Variants in ANKRD10 observed in about 807,000 individuals in gnomAD.
The protein encoded by ANKRD10 is ankyrin repeat domain 10.
A neutral mutation model predicts 27.0 loss-of-function variants in ANKRD10; 14 were observed. The observed-to-expected ratio is 0.52, with a 90% CI of 0.34 to 0.81. ANKRD10 has a LOEUF of 0.81. ANKRD10 is among the 40% of genes least tolerant of loss of function. The pLI is 0.01. For synonymous variants in ANKRD10, 250 were observed against 224.5 expected (o/e 1.11, Z -1.01); for missense variants, 493 against 544.0 (o/e 0.91, Z 0.93).
intron 1 of ANKRD10, among the ~76,000 whole-genome samples, chr13:110,914,135 G>GCTGCCGGGGCCTTCCAGTC (rs1421000026): frequency 1.8e-4 from 27 of 152,184 alleles, no homozygotes; most frequent in African/African-American, 6.3e-4. Context: ...ATCCCACACA[G>GCTGCCGGGGCCTTCCAGTC]CTGCCGGGGC....
At chr13:110,886,743 T>C (rs982273891) in intron 4 of ANKRD10, among the ~76,000 whole-genome samples, 1 of 152,206 alleles carries the variant, frequency 6.6e-6, no homozygotes, top group Non-Finnish European at 1.5e-5. Flanking sequence ...GGGTGGCCTG[T>C]ACAGACATTT....
intron 5 of ANKRD10, among the ~76,000 whole-genome samples, chr13:110,882,725 G>T (rs1252804416): frequency 6.6e-6 from 1 of 152,172 alleles, no homozygotes; most frequent in Non-Finnish European, 1.5e-5. Flanking sequence ...GGAAGAAGGT[G>T]ACCACAGCAA....
chr13:110,883,091 T>C (rs1207751083), intron 5 of ANKRD10: 2 of 152,194 alleles, frequency 1.3e-5, no homozygotes, highest in African/African-American at 4.8e-5. Flanking sequence ...AAAATGTGTG[T>C]TGTGAAACAC....
rs757683773 is a variant in ANKRD10, at chr13:110,914,710, A to G, written c.210+15T>C. On this transcript the variant is annotated intron_variant, in intron 1 of 5. Coordinates refer to ENST00000267339, the MANE Select transcript of ANKRD10 (RefSeq NM_017664.4). ...ACAGCCGGGGAAAATGGCGCCTTAA[A>G]GCGTTCGCACCCACCTTGCCGAAAT... 1.3e-6 allele frequency: 2 copies of G among 1,562,448 alleles called. No individual in the cohort carries two copies. Among genetic ancestry groups the G allele is most frequent in the East Asian group, 2.4e-5 (1 of 41,540 alleles).
In ANKRD10 at chr13:110,878,595, A is replaced by C. The variant is rs1487513926; in HGVS notation, c.*1042T>G. Reference sequence around the variant, plus strand: ...AAGGACAGTTTTAGAACAAAATGTTAGTAACACTCTTAGAACACTGGTTTG... The same window carrying C: ...AAGGACAGTTTTAGAACAAAATGTTCGTAACACTCTTAGAACACTGGTTTG... On this transcript the variant is annotated 3_prime_UTR_variant, in exon 6 of 6. Coordinates refer to ENST00000267339, the MANE Select transcript of ANKRD10 (RefSeq NM_017664.4). The C allele has an allele frequency of 1.3e-5, 2 of 152,440 alleles. No homozygotes were observed. The highest frequency in any genetic ancestry group is 4.8e-5 in the African/African-American group (2 of 41,474). 9.4% of individuals were successfully genotyped at this position (152,440 alleles called of 1,614,324 possible).
At chr13:110,889,354 A>T (rs930594960) in intron 4 of ANKRD10, among the ~76,000 whole-genome samples, 3 of 152,202 alleles carry the variant, frequency 2.0e-5, no homozygotes, top group Admixed American at 6.5e-5. Flanking sequence ...TTATCCCAAG[A>T]TACTTTCCAT....
rs943921684 is a variant in ANKRD10, at chr13:110,879,002, C to T, written c.*635G>A. ...GTGGAATAAAAACAATAAATCCAAA[C>T]GCAGCCCCAGGCTGGGCCTGTTTTC... On this transcript the variant is annotated 3_prime_UTR_variant, in exon 6 of 6. Coordinates refer to ENST00000267339, the MANE Select transcript of ANKRD10 (RefSeq NM_017664.4). 3.3e-5 allele frequency: 5 copies of T among 152,704 alleles called. No homozygotes were observed. The highest frequency in any genetic ancestry group is 9.6e-5 in the African/African-American group (4 of 41,578). 9.5% of individuals were successfully genotyped at this position (152,704 alleles called of 1,614,324 possible). A position where few individuals can be genotyped will look rare whatever the true frequency, so the allele number is the denominator to read the frequency against.
At chr13:110,895,729 T>G (rs1429459850) in intron 3 of ANKRD10, among the ~76,000 whole-genome samples, 1 of 152,174 alleles carries the variant, frequency 6.6e-6, no homozygotes, top group Non-Finnish European at 1.5e-5. Context: ...TACACTGAAT[T>G]TGGGTTAGAA....
intron 1 of ANKRD10, among the ~76,000 whole-genome samples, chr13:110,913,775 T>C (rs9588296): frequency 0.035 from 5,254 of 152,228 alleles, 293 homozygotes; most frequent in African/African-American, 0.12. Flanking sequence ...ACTATACACA[T>C]CCCTGAATTT....
rs1357909351 is a variant in ANKRD10, at chr13:110,879,022, G to GT, written c.*614dup. 1 of 152,916 alleles carries GT rather than the reference G, an allele frequency of 6.5e-6. No homozygotes were observed. Among genetic ancestry groups the GT allele is most frequent in the Non-Finnish European group, 1.5e-5 (1 of 68,546 alleles). The allele number at this position is 152,916 out of a possible 1,614,324, so 9.5% of individuals were successfully genotyped here. ...CCAAACGCAGCCCCAGGCTGGGCCT[G>GT]TTTTCCATGAAGCCCAAGGCAGTGA... is the stretch of plus-strand genomic sequence containing the variant. On this transcript the variant is annotated 3_prime_UTR_variant, in exon 6 of 6. Coordinates refer to ENST00000267339, the MANE Select transcript of ANKRD10 (RefSeq NM_017664.4).
intron 4 of ANKRD10, among the ~76,000 whole-genome samples, chr13:110,886,941 G>C (rs910542339): frequency 1.3e-5 from 2 of 152,150 alleles, no homozygotes; most frequent in African/African-American, 4.8e-5. Context: ...GTGTCTGTTG[G>C]GAAGACAGGC....
At chr13:110,893,791 T>C (rs932689890) in intron 3 of ANKRD10, among the ~76,000 whole-genome samples, 1 of 152,226 alleles carries the variant, frequency 6.6e-6, no homozygotes, top group African/African-American at 2.4e-5. Context: ...AAGTAGCCTA[T>C]CATCAGATTC....
At chr13:110,898,517 T>C (rs919788182) in intron 3 of ANKRD10, among the ~76,000 whole-genome samples, 1 of 152,238 alleles carries the variant, frequency 6.6e-6, no homozygotes. Flanking sequence ...AGTACTTTGT[T>C]CTGTCACAGT....
intron 4 of ANKRD10, among the ~76,000 whole-genome samples, chr13:110,888,736 T>C (rs973628377): frequency 2.6e-5 from 4 of 152,206 alleles, no homozygotes; most frequent in African/African-American, 9.6e-5. Context: ...TCTGGGAAAG[T>C]GTTAAAACTT....
intron 3 of ANKRD10, 83 bp downstream of exon 3, chr13:110,905,950 C>T: frequency 1.5e-6 from 2 of 1,296,332 alleles, no homozygotes; most frequent in Admixed American, 2.7e-5. Flanking sequence ...AGTTTTAGGA[C>T]TTTTGCCTGC....
intron 1 of ANKRD10, chr13:110,911,630 T>C (rs1447935181): frequency 6.6e-6 from 1 of 151,736 alleles, no homozygotes; most frequent in Non-Finnish European, 1.5e-5. Flanking sequence ...ATTACAAAAA[T>C]TACCTGGGTG....
At chr13:110,912,785 A>T (rs1301881024) in intron 1 of ANKRD10, among the ~76,000 whole-genome samples, 2 of 152,228 alleles carry the variant, frequency 1.3e-5, no homozygotes, top group East Asian at 3.8e-4. Context: ...CTGGGGAGAA[A>T]GCCTGGACTT....
chr13:110,905,148 T>A (rs1053914963), intron 3 of ANKRD10: 1 of 152,222 alleles, frequency 6.6e-6, no homozygotes, highest in Admixed American at 6.5e-5. Flanking sequence ...AAAAAGCTGA[T>A]ATTGGTTATT....
intron 3 of ANKRD10, among the ~76,000 whole-genome samples, chr13:110,896,256 C>T (rs547462823): frequency 1.2e-4 from 18 of 152,300 alleles, no homozygotes; most frequent in South Asian, 6.2e-4. Context: ...GCAGCATTAT[C>T]GGAAACAGAA....
Sources: gnomAD v4.1 joint callset for allele counts (sites outside exome capture counted in the v4.1 genomes callset) on GRCh38, gnomAD v4.1.1 for gene constraint, MANE v1.5 for transcripts, NCBI Gene and HGNC (gene_info 2026-07-23, HGNC 2026-07-21) for gene names.